ACTR8: variants seen among roughly 807,000 people sequenced by gnomAD.
ACTR8 encodes actin related protein 8.
Under a neutral mutation model 84.3 loss-of-function variants are expected in ACTR8, and 70 were observed. That is an observed-to-expected ratio of 0.83 (90% confidence interval 0.68 to 1.01). The LOEUF is 1.01. Ranked by LOEUF, ACTR8 falls within the 50% of genes least tolerant of loss-of-function variation. The probability of loss-of-function intolerance (pLI) is 0.00; values close to 1 mark genes in which losing one functional copy is unlikely to be tolerated. For missense variants in ACTR8, 672 were observed against 775.4 expected (o/e 0.87, Z 1.58); for synonymous variants, 268 against 275.2 (o/e 0.97, Z 0.26).
At chr3:53,865,053 C>G (rs1237594194), downstream of ACTR8, 1 of 1,614,162 alleles carries the variant, frequency 6.2e-7, no homozygotes, top group East Asian at 2.2e-5. Flanking sequence ...CCAGTGAGAA[C>G]TCTCAAGACC....
At chr3:53,865,363 G>GA (rs954586240), downstream of ACTR8, 139 of 1,376,966 alleles carry the variant, frequency 1.0e-4, no homozygotes, top group Middle Eastern at 5.2e-4. Flanking sequence ...CAATTACAGG[G>GA]AAAAAACGTG....
the ACTR8 span, chr3:53,859,149 G>A: frequency 2.3e-5 from 5 of 216,728 alleles, no homozygotes; most frequent in South Asian, 1.3e-4. Context: ...GGGTATATAT[G>A]AGAATGAATA....
At chr3:53,866,244 T>G (rs891704763), downstream of ACTR8, among the ~76,000 whole-genome samples, 2 of 151,978 alleles carry the variant, frequency 1.3e-5, no homozygotes, top group Non-Finnish European at 2.9e-5. Flanking sequence ...ATTAGCTGAG[T>G]GTGATGGTGT....
At chr3:53,859,813 C>A in the ACTR8 span, 68,079 of 198,382 alleles carry the variant, frequency 0.34, 12,125 homozygotes, top group East Asian at 0.49. Flanking sequence ...TTGGCAGACT[C>A]TCTAAAGAGC....
intron 7 of ACTR8, 66 bp from the exon 8 acceptor site, chr3:53,874,430 G>A (rs1699936696): frequency 6.6e-7 from 1 of 1,523,912 alleles, no homozygotes; most frequent in East Asian, 2.4e-5. Context: ...GGTGTTTGAA[G>A]AAATCCATTA....
chr3:53,877,293 G>T lies in ACTR8; in HGVS notation c.605C>A (p.Thr202Lys). The change falls in exon 5 of 13, where the codon ACA becomes AAA. Residue 202 changes from threonine to lysine, a missense_variant. Coordinates refer to ENST00000335754, the MANE Select transcript of ACTR8 (RefSeq NM_022899.5). ...NIHPGPGGSL[T>K]AVLADIEVIW... ...TACTTCAATATCTGCCAGAACAGCTGTAAGAGAGCCCCCAGGGCCTGGGTG... is the reference window on the plus strand; with the variant it reads ...TACTTCAATATCTGCCAGAACAGCTTTAAGAGAGCCCCCAGGGCCTGGGTG... 1 of 1,614,106 alleles carries T rather than the reference G, an allele frequency of 6.2e-7. No homozygotes were observed. Among genetic ancestry groups the T allele is most frequent in the Non-Finnish European group, 8.5e-7 (1 of 1,179,960 alleles).
chr3:53,877,919 A>G (rs529682817), intron 3 of ACTR8, among the ~76,000 whole-genome samples, 168 bp from the exon 4 acceptor site: 2 of 152,182 alleles, frequency 1.3e-5, no homozygotes, highest in African/African-American at 4.8e-5. Context: ...CCTTTTTACA[A>G]TCTTGGGGTT....
At chr3:53,880,514 G>A (rs1198239535) in intron 1 of ACTR8, among the ~76,000 whole-genome samples, 2 of 152,192 alleles carry the variant, frequency 1.3e-5, no homozygotes, top group Non-Finnish European at 2.9e-5. Context: ...CACAGTTACT[G>A]TGAGAATTAA....
chr3:53,877,304 C>T lies in ACTR8; in HGVS notation c.594G>A (p.Gly198=), dbSNP rs113647183. 1.9e-6 allele frequency: 3 copies of T among 1,614,068 alleles called. No homozygotes were observed. Among genetic ancestry groups the T allele is most frequent in the Admixed American group, 3.3e-5 (2 of 60,012 alleles). The change falls in exon 5 of 13, where the codon GGG becomes GGA. Residue 198 remains glycine (G), a synonymous_variant. Coordinates refer to ENST00000335754, the MANE Select transcript of ACTR8 (RefSeq NM_022899.5). ...RGQLNIHPGP[G]GSLTAVLADI... ...CTGCCAGAACAGCTGTAAGAGAGCC[C>T]CCAGGGCCTGGGTGAATATTTAACT...
rs1384061047 is a variant in ACTR8 at position 53,877,482 on chromosome 3, T to G, written c.511-95A>C. The G allele has an allele frequency of 5.8e-6, 8 of 1,389,852 alleles. No individual in the cohort carries two copies. In the Admixed American group the frequency reaches 2.0e-4, roughly 35 times the overall value. 86.1% of individuals were successfully genotyped at this position (1,389,852 alleles called of 1,614,324 possible). A position where few individuals can be genotyped will look rare whatever the true frequency, so the allele number is the denominator to read the frequency against. On this transcript the variant is annotated intron_variant, in intron 4 of 12. Transcript: ENST00000335754. ...AAAAATCTAACTAACGTTTGCTGAA[T>G]GTGAGAAATGTTGAGAGTGAAGTAG...
rs796521446 is a variant in ACTR8, at chr3:53,871,250, G to A, written c.1549C>T (p.His517Tyr). The change falls in exon 11 of 13, where the codon CAT becomes TAT. Residue 517 changes from histidine (H) to tyrosine (Y), a missense_variant. His to Tyr is a moderately conservative substitution (Grantham distance 83). Coordinates refer to ENST00000335754, the MANE Select transcript of ACTR8 (RefSeq NM_022899.5). ...KALGLDKAIL[H>Y]SIDCCSSDDT... Reference sequence around the variant, plus strand: ...TGCTTACAACAGCAGTCTATGCTATGGAGGATGGCTTTATCCAGGCCCAGG... The same window carrying A: ...TGCTTACAACAGCAGTCTATGCTATAGAGGATGGCTTTATCCAGGCCCAGG... The A allele has an allele frequency of 6.2e-7, 1 of 1,614,118 alleles. No homozygotes were observed. The highest frequency in any genetic ancestry group is 8.5e-7 in the Non-Finnish European group (1 of 1,179,948).
At chr3:53,860,962 G>A in the ACTR8 span, 1 of 152,110 alleles carries the variant, frequency 6.6e-6, no homozygotes, top group African/African-American at 2.4e-5. Flanking sequence ...ATAAAGATGT[G>A]GTATTAAATC....
At chr3:53,881,897 G>C (rs977379208) in intron 1 of ACTR8, 82 bp downstream of exon 1, 1 of 1,540,318 alleles carries the variant, frequency 6.5e-7, no homozygotes, top group African/African-American at 1.4e-5. Flanking sequence ...GGGACTCGAA[G>C]CCTCCCGCCG....
intron 12 of ACTR8, 126 bp from the exon 13 acceptor site, chr3:53,868,988 A>G (rs1699841532): frequency 2.3e-6 from 3 of 1,311,828 alleles, no homozygotes; most frequent in Non-Finnish European, 3.1e-6. Context: ...TTCACCCTGT[A>G]TTAAAGACAG....
At chr3:53,881,709 C>T (rs760387111) in intron 1 of ACTR8, 31 of 554,848 alleles carry the variant, frequency 5.6e-5, no homozygotes, top group Non-Finnish European at 9.6e-5. Context: ...AGAGCCCGGG[C>T]AGGAGCGCAC....
intron 5 of ACTR8, 116 bp downstream of exon 5, chr3:53,877,098 C>A: frequency 2.9e-6 from 3 of 1,026,470 alleles, no homozygotes; most frequent in Admixed American, 3.0e-5. Flanking sequence ...GAATCCTCAC[C>A]CTGAAGGTCA....
At chr3:53,865,232 A>T (rs1345090094), downstream of ACTR8, 1 of 1,613,528 alleles carries the variant, frequency 6.2e-7, no homozygotes, top group Admixed American at 1.7e-5. Flanking sequence ...TTCTGTGCAG[A>T]ACTTCTCCAT....
Position 53,878,354 on chromosome 3 carries a change from A to C in ACTR8, c.405+3T>G. ...AAGAATAAATCTGAAGAGTTAATCG[A>C]ACCTGTTCAGGGGACACAGGAATGC... On this transcript the variant is annotated splice_donor_region_variant and intron_variant, in intron 3 of 12. Coordinates refer to ENST00000335754, the MANE Select transcript of ACTR8 (RefSeq NM_022899.5). 1 of 1,591,918 alleles carries C rather than the reference A, an allele frequency of 6.3e-7. No individual in the cohort carries two copies. The highest frequency in any genetic ancestry group is 1.1e-5 in the South Asian group (1 of 90,262).
intron 9 of ACTR8, among the ~76,000 whole-genome samples, 199 bp from the exon 10 acceptor site, chr3:53,872,723 G>C (rs1699905611): frequency 6.6e-6 from 1 of 152,142 alleles, no homozygotes; most frequent in Non-Finnish European, 1.5e-5. Context: ...CAACCAGATG[G>C]GTGATATGAC....
Sources: allele counts gnomAD v4.1 joint callset (sites outside exome capture counted in the v4.1 genomes callset), GRCh38; gene constraint gnomAD v4.1.1; transcripts MANE v1.5; gene names NCBI Gene and HGNC (gene_info 2026-07-23, HGNC 2026-07-21).